Variants in ASTN2 observed in about 807,000 individuals in gnomAD.
The protein encoded by ASTN2 is astrotactin-2.
A neutral mutation model predicts 139.8 loss-of-function variants in ASTN2; 54 were observed. The ratio of observed to expected loss-of-function variants is 0.39; its 90% CI spans 0.31 to 0.48. The LOEUF (loss-of-function observed/expected upper bound fraction) is 0.48, where lower values mean the gene tolerates loss of function less well. ASTN2 is among the 20% of genes least tolerant of loss of function. The pLI is 0.95. For missense variants in ASTN2, 1,565 were observed against 1,725.1 expected (o/e 0.91, Z 1.64); for synonymous variants, 756 against 719.5 (o/e 1.05, Z -0.81).
At chr9:116,976,841 T>C (rs1836354858) in intron 7 of ASTN2, 56 bp from the exon 8 acceptor site, 1 of 1,521,034 alleles carries the variant, frequency 6.6e-7, no homozygotes, top group African/African-American at 1.4e-5. Context: ...AAATAGGCTT[T>C]TCTCTGGTTT....
At chr9:116,827,631 G>GA (rs1831675757) in intron 11 of ASTN2, among the ~76,000 whole-genome samples, 1 of 151,936 alleles carries the variant, frequency 6.6e-6, no homozygotes, top group South Asian at 2.1e-4. Context: ...AGAGAACTTA[G>GA]AAAAAAATGA....
intron 19 of ASTN2, among the ~76,000 whole-genome samples, chr9:116,593,134 G>A (rs981027014): frequency 1.3e-5 from 2 of 152,244 alleles, no homozygotes; most frequent in African/African-American, 4.8e-5. Flanking sequence ...TGTCTGGAAT[G>A]CAATGGGAAT....
intron 16 of ASTN2, among the ~76,000 whole-genome samples, chr9:116,716,979 A>G (rs1053918802): frequency 2.0e-5 from 3 of 152,246 alleles, no homozygotes; most frequent in Admixed American, 6.5e-5. Flanking sequence ...CTGCTGTGGT[A>G]TGACTGAACC....
chr9:117,115,131 G>A (rs745528021), intron 4 of ASTN2, among the ~76,000 whole-genome samples: 1 of 152,182 alleles, frequency 6.6e-6, no homozygotes, highest in Non-Finnish European at 1.5e-5. Flanking sequence ...GGGTAATTTT[G>A]TATACAGCAA....
At chr9:116,511,814 A>T (rs1271360979) in intron 19 of ASTN2, among the ~76,000 whole-genome samples, 1 of 151,524 alleles carries the variant, frequency 6.6e-6, no homozygotes, top group East Asian at 1.9e-4. Flanking sequence ...GTATTCTCTG[A>T]CGGTAGTATG....
At chr9:117,187,862 G>A (rs1362378814) in intron 3 of ASTN2, among the ~76,000 whole-genome samples, 1 of 152,174 alleles carries the variant, frequency 6.6e-6, no homozygotes, top group Non-Finnish European at 1.5e-5. Context: ...CTACATCTGT[G>A]TAGTATGTTA....
intron 2 of ASTN2, among the ~76,000 whole-genome samples, chr9:117,252,596 GT>G (rs1564108000): frequency 6.6e-6 from 1 of 152,052 alleles, no homozygotes; most frequent in African/African-American, 2.4e-5. Context: ...AAAACAAATC[GT>G]TATGTTGTTA....
intron 10 of ASTN2, among the ~76,000 whole-genome samples, chr9:116,942,382 C>T (rs112711255): frequency 1.5e-4 from 23 of 152,306 alleles, no homozygotes; most frequent in African/African-American, 5.3e-4. Context: ...GGCCTTCCTA[C>T]CTCCTTTAGG....
intron 20 of ASTN2, among the ~76,000 whole-genome samples, chr9:116,452,883 C>T (rs535161504): frequency 2.0e-5 from 3 of 152,334 alleles, no homozygotes; most frequent in African/African-American, 4.8e-5. Context: ...GAACACACTA[C>T]TGCTCCTTTC....
At chr9:116,965,602 C>G (rs1835990477) in intron 10 of ASTN2, among the ~76,000 whole-genome samples, 1 of 152,258 alleles carries the variant, frequency 6.6e-6, no homozygotes, top group African/African-American at 2.4e-5. Flanking sequence ...AAAACAGAAT[C>G]CTAATATTAT....
chr9:117,282,980 C>T (rs1834360904), intron 2 of ASTN2, among the ~76,000 whole-genome samples: 1 of 138,066 alleles, frequency 7.2e-6, no homozygotes, highest in Non-Finnish European at 1.6e-5. Context: ...CATACTTCTA[C>T]TGTTTTTTTT....
At chr9:116,850,610 T>C (rs1832572572) in intron 11 of ASTN2, among the ~76,000 whole-genome samples, 1 of 152,208 alleles carries the variant, frequency 6.6e-6, no homozygotes, top group South Asian at 2.1e-4. Flanking sequence ...TAGGGTGTTA[T>C]CAAGATTCAG....
chr9:117,004,422 T>A (rs1038371783), intron 7 of ASTN2, among the ~76,000 whole-genome samples: 4 of 152,100 alleles, frequency 2.6e-5, no homozygotes, highest in African/African-American at 9.7e-5. Flanking sequence ...CCTGGCCCAG[T>A]TGGCCTATAT....
chr9:117,314,057 C>T (rs531034605), intron 1 of ASTN2, among the ~76,000 whole-genome samples: 22 of 152,198 alleles, frequency 1.4e-4, no homozygotes, highest in Non-Finnish European at 2.2e-4. Flanking sequence ...TAACAGATTT[C>T]TAATGCACTG....
rs151283019 is a variant in ASTN2 at position 117,040,718 on chromosome 9, C to A, written c.1277-753G>T. On this transcript the variant is annotated intron_variant, in intron 5 of 22. Coordinates refer to ENST00000313400, the MANE Select transcript of ASTN2 (RefSeq NM_001365068.1). ...AGGTGATCCACCCGCCTCAGCCTCC[C>A]AAAGTGCTGGGATTACAGGCATAAG... Among the ~76,000 whole-genome samples, 819 of 152,304 alleles carry A rather than the reference C, an allele frequency of 5.4e-3. 9 individuals carry two copies. Among genetic ancestry groups the A allele is most frequent in the East Asian group, 0.043 (225 of 5,174 alleles).
At chr9:116,930,347 C>A (rs1430565703) in intron 10 of ASTN2, among the ~76,000 whole-genome samples, 3 of 152,084 alleles carry the variant, frequency 2.0e-5, no homozygotes, top group African/African-American at 7.2e-5. Context: ...AATGACCTAG[C>A]CCCAGGCTCC....
At chr9:117,099,759 C>T (rs1828929354) in intron 4 of ASTN2, among the ~76,000 whole-genome samples, 1 of 151,976 alleles carries the variant, frequency 6.6e-6, no homozygotes, top group African/African-American at 2.4e-5. Context: ...GCGGGTAAAT[C>T]TATTCCTTTT....
intron 5 of ASTN2, among the ~76,000 whole-genome samples, chr9:117,093,719 C>A (rs1389272558): frequency 6.6e-6 from 1 of 152,182 alleles, no homozygotes; most frequent in Non-Finnish European, 1.5e-5. Flanking sequence ...TTGCCTAGAA[C>A]AAAGATGTTG....
chr9:116,448,814 T>C (rs17292477), intron 20 of ASTN2, among the ~76,000 whole-genome samples: 29,278 of 152,198 alleles, frequency 0.19, 3,416 homozygotes, highest in Middle Eastern at 0.29. Flanking sequence ...CCTTGTACTA[T>C]TCATGATGCC....
Sources: gnomAD v4.1 joint callset for allele counts (sites outside exome capture counted in the v4.1 genomes callset) on GRCh38, gnomAD v4.1.1 for gene constraint, MANE v1.5 for transcripts, NCBI Gene and HGNC (gene_info 2026-07-23, HGNC 2026-07-21) for gene names.